The following FSTL5 variants were observed in gnomAD, a reference collection of about 807,000 sequenced individuals.
FSTL5 encodes follistatin-related protein 5.
FSTL5 carries 62 observed loss-of-function variants against 89.1 expected under a neutral mutation model. The ratio of observed to expected loss-of-function variants is 0.70; its 90% CI spans 0.57 to 0.86. FSTL5 has a LOEUF of 0.86. Among genes scored for constraint, FSTL5 ranks in the 40% least tolerant of loss-of-function variants. FSTL5 has a pLI of 0.00. For synonymous variants in FSTL5, 383 were observed against 346.2 expected (o/e 1.11, Z -1.18); for missense variants, 1,057 against 1,001.6 (o/e 1.06, Z -0.75).
intron 3 of FSTL5, among the ~76,000 whole-genome samples, chr4:161,962,150 T>C (rs1201429545): frequency 6.6e-6 from 1 of 151,998 alleles, no homozygotes; most frequent in African/African-American, 2.4e-5. Flanking sequence ...AAGTATTAAG[T>C]ATTTTTCTAC....
At chr4:161,694,319 G>A (rs552529326) in intron 6 of FSTL5, among the ~76,000 whole-genome samples, 1 of 151,938 alleles carries the variant, frequency 6.6e-6, no homozygotes, top group African/African-American at 2.4e-5. Flanking sequence ...TCTGATGGTA[G>A]GTACCTTAGG....
chr4:162,075,632 T>C (rs1476478862), intron 2 of FSTL5, among the ~76,000 whole-genome samples: 2 of 151,914 alleles, frequency 1.3e-5, no homozygotes, highest in African/African-American at 4.8e-5. Flanking sequence ...GTTTCATGGA[T>C]ACTGATAGAG....
At chr4:161,881,703 AAAACAAAC>A (rs765206557) in intron 4 of FSTL5, among the ~76,000 whole-genome samples, 1 of 152,036 alleles carries the variant, frequency 6.6e-6, no homozygotes, top group African/African-American at 2.4e-5. Flanking sequence ...GCTTTTATGG[AAAACAAAC>A]AAACAAACAA....
At chr4:162,023,733 T>C (rs887367504) in intron 3 of FSTL5, among the ~76,000 whole-genome samples, 33 of 152,194 alleles carry the variant, frequency 2.2e-4, no homozygotes, top group African/African-American at 7.7e-4. Context: ...TGTAGTGAGC[T>C]GTTAGAAATA....
intron 15 of FSTL5, among the ~76,000 whole-genome samples, chr4:161,390,303 A>G (rs564824102): frequency 9.2e-5 from 14 of 152,296 alleles, no homozygotes; most frequent in Non-Finnish European, 1.8e-4. Flanking sequence ...TTACTTTAGG[A>G]CCTGGATATC....
chr4:161,753,531 C>T (rs759290822), intron 6 of FSTL5, among the ~76,000 whole-genome samples: 12 of 152,142 alleles, frequency 7.9e-5, no homozygotes, highest in Non-Finnish European at 1.3e-4. Flanking sequence ...ATTAGTGCAA[C>T]ATTCTTAATT....
At chr4:161,419,858 T>C (rs1311360171) in intron 15 of FSTL5, among the ~76,000 whole-genome samples, 1 of 152,234 alleles carries the variant, frequency 6.6e-6, no homozygotes, top group Non-Finnish European at 1.5e-5. Context: ...CCTAGAGGTC[T>C]TAATTGCAGA....
chr4:162,139,248 C>T (rs540907133), intron 1 of FSTL5, among the ~76,000 whole-genome samples: 5 of 152,098 alleles, frequency 3.3e-5, no homozygotes, highest in African/African-American at 1.2e-4. Flanking sequence ...CTCCTGGAAA[C>T]CATTTTGGAG....
Position 161,536,123 on chromosome 4 carries a change from T to C in FSTL5, c.1312+2043A>G, listed in dbSNP as rs187511118. Among the ~76,000 whole-genome samples, 629 of 152,132 alleles carry C rather than the reference T, an allele frequency of 4.1e-3. 6 individuals carry two copies. The highest frequency in any genetic ancestry group is 8.5e-3 in the South Asian group (41 of 4,824). On this transcript the variant is annotated intron_variant, in intron 10 of 15. Coordinates refer to ENST00000306100, the MANE Select transcript of FSTL5 (RefSeq NM_020116.5). ...ATGAAAGGAGGCATGGGCTGAAAGA[T>C]AATCTATTGGGTACTATGCTCACTA... is the stretch of plus-strand genomic sequence containing the variant.
intron 13 of FSTL5, among the ~76,000 whole-genome samples, chr4:161,477,702 CAATTTT>C (rs1318893139): frequency 1.3e-5 from 2 of 151,662 alleles, no homozygotes; most frequent in African/African-American, 4.8e-5. Flanking sequence ...ATATACATAT[CAATTTT>C]AATTTTAATA....
chr4:161,497,744 G>C (rs1049597536), intron 12 of FSTL5, among the ~76,000 whole-genome samples: 1 of 151,628 alleles, frequency 6.6e-6, no homozygotes, highest in African/African-American at 2.4e-5. Context: ...GATTTCCAGG[G>C]GCTGTGACTT....
intron 12 of FSTL5, among the ~76,000 whole-genome samples, chr4:161,483,890 A>G (rs1302745448): frequency 3.3e-5 from 5 of 152,134 alleles, no homozygotes; most frequent in Admixed American, 2.0e-4. Context: ...AACAGAATAA[A>G]TAAGATATTA....
intron 6 of FSTL5, among the ~76,000 whole-genome samples, chr4:161,692,882 C>A (rs377078132): frequency 4.6e-5 from 7 of 152,056 alleles, no homozygotes; most frequent in African/African-American, 1.4e-4. Context: ...CGCCACCACA[C>A]CTGGCTAATT....
intron 8 of FSTL5, among the ~76,000 whole-genome samples, chr4:161,586,776 C>T (rs1733632501): frequency 6.6e-6 from 1 of 152,164 alleles, no homozygotes; most frequent in Non-Finnish European, 1.5e-5. Context: ...CTGCCACTCT[C>T]CTCTAAATTC....
intron 4 of FSTL5, among the ~76,000 whole-genome samples, chr4:161,847,037 A>G (rs986528976): frequency 1.3e-5 from 2 of 152,188 alleles, no homozygotes; most frequent in Non-Finnish European, 2.9e-5. Flanking sequence ...GTTACATGGT[A>G]GTATTATAGA....
At chr4:161,720,559 T>G (rs1429429939) in intron 6 of FSTL5, among the ~76,000 whole-genome samples, 7 of 152,218 alleles carry the variant, frequency 4.6e-5, no homozygotes, top group African/African-American at 1.7e-4. Flanking sequence ...ATATCTATAC[T>G]CCTATGTTCA....
intron 2 of FSTL5, among the ~76,000 whole-genome samples, chr4:162,042,901 T>A (rs1004689906): frequency 7.8e-6 from 1 of 128,508 alleles, no homozygotes; most frequent in African/African-American, 3.0e-5. Context: ...AACAATGAGA[T>A]CACATGGACA....
chr4:161,603,183 G>C (rs539056842), intron 7 of FSTL5, among the ~76,000 whole-genome samples: 1 of 152,066 alleles, frequency 6.6e-6, no homozygotes, highest in African/African-American at 2.4e-5. Context: ...ACACATTGGC[G>C]TACCTTGCAG....
Position 161,664,525 on chromosome 4 carries a change from C to A in FSTL5, c.728-8031G>T, listed in dbSNP as rs182924897. ...ACAAGTTCCTCATCTCCATCTGAGA[C>A]CACCTCAGCCTGGACGTTATTGTTC... On this transcript the variant is annotated intron_variant, in intron 6 of 15. Coordinates refer to ENST00000306100, the MANE Select transcript of FSTL5 (RefSeq NM_020116.5). Among the ~76,000 whole-genome samples, 15 of 152,296 alleles carry A rather than the reference C, an allele frequency of 9.8e-5. No homozygotes were observed. The East Asian group carries it at 2.5e-3, about 26-fold the overall frequency.
Sources: gnomAD v4.1 joint callset for allele counts (sites outside exome capture counted in the v4.1 genomes callset) on GRCh38, gnomAD v4.1.1 for gene constraint, MANE v1.5 for transcripts, NCBI Gene and HGNC (gene_info 2026-07-23, HGNC 2026-07-21) for gene names.